ZNF518A: variants seen among roughly 807,000 people sequenced by gnomAD.
ZNF518A encodes zinc finger protein 518A, also known as zinc finger protein 518.
ZNF518A carries 47 observed loss-of-function variants against 102.7 expected under a neutral mutation model. The ratio of observed to expected loss-of-function variants is 0.46; its 90% CI spans 0.36 to 0.58. The LOEUF is 0.58. Among genes scored for constraint, ZNF518A ranks in the 20% least tolerant of loss-of-function variants. The pLI, the probability that ZNF518A is intolerant of heterozygous loss-of-function variation, is 0.00. For missense variants in ZNF518A, 1,793 were observed against 1,699.8 expected (o/e 1.05, Z -0.96); for synonymous variants, 652 against 594.6 (o/e 1.10, Z -1.40).
At chr10:96,168,461 G>C (rs797026286), downstream of ZNF518A, among the ~76,000 whole-genome samples, 6 of 148,516 alleles carry the variant, frequency 4.0e-5, no homozygotes, top group African/African-American at 1.5e-4. Context: ...ATTCATGTGA[G>C]TTCGAGTTAC....
chr10:96,186,836 A>C (rs587649265), intron 1 of ZNF518A, among the ~76,000 whole-genome samples: 2 of 152,368 alleles, frequency 1.3e-5, no homozygotes, highest in South Asian at 4.1e-4. Flanking sequence ...AACCATAGCA[A>C]TATCCTTCTC....
In ZNF518A at chr10:96,160,221, A is replaced by G. The variant is rs1564786946; in HGVS notation, c.3899A>G (p.Lys1300Arg). 2.5e-6 allele frequency: 4 copies of G among 1,612,406 alleles called. No homozygotes were observed. Among genetic ancestry groups the G allele is most frequent in the Admixed American group, 1.7e-5 (1 of 59,668 alleles). The change falls in exon 6 of 6, where the codon AAA (lysine) becomes AGA (arginine). Residue 1300 changes from lysine to arginine, a missense_variant. Lys to Arg is a conservative substitution (Grantham distance 26). This residue lies in a region of ZNF518A where 1,741 missense variants were observed against 1,622.6 expected (regional missense o/e 1.07). Transcript: ENST00000316045. ...AAAGCAACATTGCATAGAAAGTGTA[A>G]AGAAAAGGCAAAACCTGAAGATGTC... is the stretch of plus-strand genomic sequence containing the variant. ...RRKATLHRKC[K>R]EKAKPEDVRE...
At chr10:96,191,434 CAT>C (rs149043414) in intron 1 of ZNF518A, among the ~76,000 whole-genome samples, 11 of 150,380 alleles carry the variant, frequency 7.3e-5, no homozygotes, top group East Asian at 1.9e-4. Flanking sequence ...AGTTCATATC[CAT>C]ATATATATAT....
intron 1 of ZNF518A, among the ~76,000 whole-genome samples, chr10:96,183,856 T>C (rs2083254807): frequency 6.6e-6 from 1 of 152,218 alleles, no homozygotes; most frequent in Non-Finnish European, 1.5e-5. Context: ...TGAGTTCAAG[T>C]CCTGGATATC....
At chr10:96,133,907 T>C (rs1443045539) in intron 3 of ZNF518A, among the ~76,000 whole-genome samples, 1 of 152,228 alleles carries the variant, frequency 6.6e-6, no homozygotes, top group Non-Finnish European at 1.5e-5. Flanking sequence ...CGTTATCGTT[T>C]ATGTCATTAA....
chr10:96,186,124 T>C (rs1216937320), intron 1 of ZNF518A, among the ~76,000 whole-genome samples: 1 of 152,216 alleles, frequency 6.6e-6, no homozygotes, highest in African/African-American at 2.4e-5. Flanking sequence ...TGGTACAGTC[T>C]GTCACAGCTT....
rs1255896424 is a variant in ZNF518A at position 96,162,252 on chromosome 10, A to G, written c.*1478A>G. On this transcript the variant is annotated 3_prime_UTR_variant, in exon 6 of 6. Coordinates refer to ENST00000316045, the MANE Select transcript of ZNF518A (RefSeq NM_001330736.2). ...TTCAGTTTAGTTCAGTGCATGCACTAATAAAACTGGTTGTTTAATTTAAAA... is the reference window on the plus strand; with the variant it reads ...TTCAGTTTAGTTCAGTGCATGCACTGATAAAACTGGTTGTTTAATTTAAAA... 2 of 166,906 alleles carry G rather than the reference A, an allele frequency of 1.2e-5. No individual in the cohort carries two copies. Among genetic ancestry groups the G allele is most frequent in the African/African-American group, 2.4e-5 (1 of 41,448 alleles). The allele number at this position is 166,906 out of a possible 1,614,324, so 10.3% of individuals were successfully genotyped here. A position where few individuals can be genotyped will look rare whatever the true frequency, so the allele number is the denominator to read the frequency against.
downstream of ZNF518A, chr10:96,204,737 A>G: frequency 3.6e-6 from 3 of 833,620 alleles, no homozygotes; most frequent in Admixed American, 4.0e-5. Flanking sequence ...AACATGTCTT[A>G]GTTACTGAGA....
chr10:96,142,345 TGTGTGTG>T (rs2081975936), intron 3 of ZNF518A, among the ~76,000 whole-genome samples: 2 of 148,600 alleles, frequency 1.3e-5, no homozygotes, highest in Non-Finnish European at 1.5e-5. Context: ...TGTGTGTGTG[TGTGTGTG>T]TGTTTCTAGA....
chr10:96,133,109 C>T (rs2081420741), intron 2 of ZNF518A, among the ~76,000 whole-genome samples: 1 of 152,038 alleles, frequency 6.6e-6, no homozygotes. Context: ...TTTTTGGTTT[C>T]ATAGTTTATT....
At chr10:96,198,839 T>C (rs1339370399) in intron 1 of ZNF518A, among the ~76,000 whole-genome samples, 2 of 152,154 alleles carry the variant, frequency 1.3e-5, no homozygotes, top group Non-Finnish European at 2.9e-5. Context: ...GCTGGGATTA[T>C]AGGCGCCCGC....
chr10:96,145,490 A>G lies in ZNF518A; in HGVS notation c.-301-9836A>G, dbSNP rs1390335731. 2.6e-5 allele frequency among the ~76,000 whole-genome samples: 4 copies of G among 152,348 alleles called. No homozygotes were observed. In the South Asian group the frequency reaches 6.2e-4, roughly 24 times the overall value. ...TTAATTGTTAAATAAACCGACTAAAAACACTTCTCTTATAGCATGAATTTA... is the reference window on the plus strand; with the variant it reads ...TTAATTGTTAAATAAACCGACTAAAGACACTTCTCTTATAGCATGAATTTA... On this transcript the variant is annotated intron_variant, in intron 3 of 5. Transcript: ENST00000316045.
At chr10:96,204,343 G>T (rs782125820), downstream of ZNF518A, 4 of 724,542 alleles carry the variant, frequency 5.5e-6, no homozygotes, top group South Asian at 6.8e-5. Flanking sequence ...AACCCAATTA[G>T]TAGGTCTCTG....
intron 3 of ZNF518A, among the ~76,000 whole-genome samples, chr10:96,142,836 C>T (rs973358072): frequency 3.3e-5 from 5 of 149,722 alleles, no homozygotes; most frequent in Non-Finnish European, 5.9e-5. Context: ...GACAGAGTCT[C>T]GCTGTGTCGC....
chr10:96,200,257 C>G lies in ZNF518A; in HGVS notation n.36-3317C>G, dbSNP rs2083594946. ...GACCCATTTGCATTATCAAGACAGG[C>G]CTCTACATTTACACCAATAATTTTA... On this transcript the variant is annotated intron_variant and non_coding_transcript_variant, in intron 1 of 2. Coordinates refer to the ZNF518A transcript ENST00000442635. The surrounding 1 kb of genome is among the most constrained non-coding windows in gnomAD (Gnocchi z 4.3). The G allele has an allele frequency of 4.7e-6, 4 of 854,926 alleles. No individual in the cohort carries two copies. In the East Asian group the frequency reaches 7.7e-5, roughly 17 times the overall value. 53.0% of individuals were successfully genotyped at this position (854,926 alleles called of 1,614,324 possible). A position where few individuals can be genotyped will look rare whatever the true frequency, so the allele number is the denominator to read the frequency against.
intron 1 of ZNF518A, among the ~76,000 whole-genome samples, chr10:96,179,166 A>G (rs1415517488): frequency 6.6e-6 from 1 of 152,176 alleles, no homozygotes; most frequent in Non-Finnish European, 1.5e-5. Flanking sequence ...ATTAGCATTA[A>G]AAACCCAGCA....
chr10:96,168,266 A>G (rs891243739), downstream of ZNF518A, among the ~76,000 whole-genome samples: 6 of 152,166 alleles, frequency 3.9e-5, no homozygotes, highest in Non-Finnish European at 7.3e-5. Context: ...GCAGGGTTCA[A>G]CCACTTGGCC....
At chr10:96,170,920 A>G (rs1308524469) in intron 1 of ZNF518A, among the ~76,000 whole-genome samples, 1 of 152,120 alleles carries the variant, frequency 6.6e-6, no homozygotes, top group African/African-American at 2.4e-5. Context: ...TCTGAATAGC[A>G]TTTCTCTAAA....
chr10:96,169,180 AT>A (rs59597620), intron 1 of ZNF518A, among the ~76,000 whole-genome samples: 10,653 of 152,080 alleles, frequency 0.07, 721 homozygotes, highest in African/African-American at 0.18. Context: ...TTTTAAAAAA[AT>A]TTTTGTAGAG....
Sources: allele counts gnomAD v4.1 joint callset (sites outside exome capture counted in the v4.1 genomes callset), GRCh38; gene constraint gnomAD v4.1.1; regional missense constraint gnomAD v4.1.1; non-coding constraint Gnocchi (gnomAD v3.1); transcripts MANE v1.5; gene names NCBI Gene and HGNC (gene_info 2026-07-23, HGNC 2026-07-21).